CNOT6L: variants seen among roughly 807,000 people sequenced by gnomAD.
CNOT6L encodes CCR4-NOT transcription complex subunit 6 like, also known as CCR4-NOT transcription complex subunit 6-like.
A neutral mutation model predicts 64.0 loss-of-function variants in CNOT6L; 7 were observed. The ratio of observed to expected loss-of-function variants is 0.11; its 90% CI spans 0.06 to 0.21. The LOEUF (loss-of-function observed/expected upper bound fraction) is 0.21, where lower values mean the gene tolerates loss of function less well. Ranked by LOEUF, CNOT6L falls within the 10% of genes least tolerant of loss-of-function variation. The probability of loss-of-function intolerance (pLI) is 1.00; values close to 1 mark genes in which losing one functional copy is unlikely to be tolerated. For synonymous variants in CNOT6L, 193 were observed against 243.4 expected, an observed-to-expected ratio of 0.79 and a Z score of 1.93; for missense variants, 245 against 669.0, an observed-to-expected ratio of 0.37 and a Z score of 6.99.
chr4:77,776,359 A>T lies in CNOT6L; in HGVS notation c.39T>A (p.Pro13=). The T allele has an allele frequency of 6.2e-7, 1 of 1,608,850 alleles. No homozygotes were observed. Among genetic ancestry groups the T allele is most frequent in the Non-Finnish European group, 8.5e-7 (1 of 1,176,704 alleles). Residue 13 remains proline, a synonymous_variant, in exon 2 of 12, where the codon CCT becomes CCA. Coordinates refer to ENST00000504123, the MANE Select transcript of CNOT6L (RefSeq NM_144571.3). The part of the protein sequence containing the change: ...LIGMPKEKYD[P]PDPRRIYTIM... ...TGGTATAAATTCTGCGAGGATCTGG[A>T]GGATCATATTTTTCCTTTGGCATCC...
chr4:77,814,023 G>A (rs1453949185), intron 1 of CNOT6L, among the ~76,000 whole-genome samples: 1 of 152,072 alleles, frequency 6.6e-6, no homozygotes, highest in South Asian at 2.1e-4. Context: ...TAAATGTGGT[G>A]TATTCTTATG....
intron 1 of CNOT6L, among the ~76,000 whole-genome samples, chr4:77,778,472 C>A (rs1728402977): frequency 6.6e-6 from 1 of 151,676 alleles, no homozygotes; most frequent in South Asian, 2.1e-4. Flanking sequence ...ATCTCGAGAT[C>A]TCGACTCACT....
At chr4:77,804,738 G>A (rs1394283827) in intron 1 of CNOT6L, among the ~76,000 whole-genome samples, 2 of 151,750 alleles carry the variant, frequency 1.3e-5, no homozygotes, top group Non-Finnish European at 2.9e-5. Flanking sequence ...ACTTTAAAAT[G>A]GTGAATGTTT....
intron 8 of CNOT6L, among the ~76,000 whole-genome samples, chr4:77,738,805 T>C (rs1015629272): frequency 6.6e-6 from 1 of 151,812 alleles, no homozygotes; most frequent in African/African-American, 2.4e-5. Flanking sequence ...ATATACATTA[T>C]ATACATATAA....
chr4:77,768,473 AAATATATATATATATATATATATATAT>A (rs1560412322), intron 4 of CNOT6L, among the ~76,000 whole-genome samples: 20 of 4,210 alleles, frequency 4.8e-3, no homozygotes, highest in Admixed American at 0.014. Flanking sequence ...TAAAATAAAT[AAATATATATATATATATATATATATAT>A]ATATATATAT....
rs1724665396 is a variant in CNOT6L at position 77,749,935 on chromosome 4, T to C, written c.491-1551A>G. 3.3e-5 allele frequency among the ~76,000 whole-genome samples: 5 copies of C among 152,326 alleles called. No individual in the cohort carries two copies. In the South Asian group the frequency reaches 1.0e-3, roughly 32 times the overall value. On this transcript the variant is annotated intron_variant, in intron 5 of 11. Transcript: ENST00000504123. Reference sequence around the variant, plus strand: ...TCTTTAAGCAGGATTCAAAAAGATATCCATTACAGCATTGTTTATATTAAC... The same window carrying C: ...TCTTTAAGCAGGATTCAAAAAGATACCCATTACAGCATTGTTTATATTAAC...
intron 9 of CNOT6L, among the ~76,000 whole-genome samples, chr4:77,730,683 C>T (rs1490422202): frequency 6.6e-6 from 1 of 152,098 alleles, no homozygotes; most frequent in African/African-American, 2.4e-5. Flanking sequence ...AGGTTTGACA[C>T]ATATGCATGG....
chr4:77,784,755 A>G (rs2110090695), intron 1 of CNOT6L, among the ~76,000 whole-genome samples: 1 of 152,268 alleles, frequency 6.6e-6, no homozygotes, highest in Non-Finnish European at 1.5e-5. Context: ...AAGTGCTGGA[A>G]TTACAGGTAT....
rs1734021120 is a variant in CNOT6L, at chr4:77,819,287, G to A, written c.5+17C>T. Reference sequence around the variant, plus strand: ...CCAACACTCTCGGTCCTACTCGGAGGCAAAAGAACACTCTACCTCATTCTC... The same window carrying A: ...CCAACACTCTCGGTCCTACTCGGAGACAAAAGAACACTCTACCTCATTCTC... On this transcript the variant is annotated intron_variant, in intron 1 of 11. Transcript: ENST00000504123. 1.2e-6 allele frequency: 2 copies of A among 1,613,532 alleles called. No individual in the cohort carries two copies. Among genetic ancestry groups the A allele is most frequent in the Non-Finnish European group, 1.7e-6 (2 of 1,179,722 alleles).
At chr4:77,817,214 A>G (rs983025593) in intron 1 of CNOT6L, among the ~76,000 whole-genome samples, 3 of 151,960 alleles carry the variant, frequency 2.0e-5, no homozygotes, top group African/African-American at 7.3e-5. Flanking sequence ...GGTCTATTTG[A>G]AAATATGAAA....
intron 7 of CNOT6L, among the ~76,000 whole-genome samples, chr4:77,742,908 A>G (rs1197129008): frequency 6.6e-6 from 1 of 152,198 alleles, no homozygotes. Flanking sequence ...AAGATAATTT[A>G]TGTATGCAGA....
At chr4:77,739,675 AAT>A (rs1723363340) in intron 8 of CNOT6L, among the ~76,000 whole-genome samples, 1 of 152,234 alleles carries the variant, frequency 6.6e-6, no homozygotes, top group Non-Finnish European at 1.5e-5. Flanking sequence ...AAAGAGGTAC[AAT>A]ATACTGATGT....
Position 77,806,425 on chromosome 4 carries a change from C to CA in CNOT6L, c.5+12878dup, listed in dbSNP as rs561215577. ...AGGCAACAAGAGCAAAACTCTGTCT[C>CA]AAAAAAAAAAAAAGATTAATTTCAA... On this transcript the variant is annotated intron_variant, in intron 1 of 11. Transcript: ENST00000504123. Among the ~76,000 whole-genome samples, 548 of 135,792 alleles carry CA rather than the reference C, an allele frequency of 4.0e-3. 3 individuals are homozygous for CA. The highest frequency in any genetic ancestry group is 9.7e-3 in the East Asian group (46 of 4,746). The allele number at this position is 135,792 out of a possible 152,430, so 89.1% of individuals were successfully genotyped here. A position where few individuals can be genotyped will look rare whatever the true frequency, so the allele number is the denominator to read the frequency against.
At chr4:77,754,389 T>C (rs1266803816) in intron 5 of CNOT6L, among the ~76,000 whole-genome samples, 4 of 152,162 alleles carry the variant, frequency 2.6e-5, no homozygotes, top group Non-Finnish European at 5.9e-5. Flanking sequence ...GCAAGCCCAC[T>C]ACATAGAAAC....
At chr4:77,725,349 C>T (rs748146349) in intron 11 of CNOT6L, among the ~76,000 whole-genome samples, 1 of 152,210 alleles carries the variant, frequency 6.6e-6, no homozygotes, top group Non-Finnish European at 1.5e-5. Context: ...TACCAAACCA[C>T]TTTCTAACAC....
chr4:77,767,959 G>A (rs1410133347), intron 4 of CNOT6L, among the ~76,000 whole-genome samples: 8 of 131,352 alleles, frequency 6.1e-5, no homozygotes, highest in Non-Finnish European at 9.3e-5. Flanking sequence ...CAGCATGGGC[G>A]ACAGAGCGAG....
chr4:77,760,313 T>C (rs1310773877), intron 4 of CNOT6L, among the ~76,000 whole-genome samples: 1 of 152,066 alleles, frequency 6.6e-6, no homozygotes, highest in East Asian at 1.9e-4. Flanking sequence ...AGTTAGAGGC[T>C]ACAGTGAGCT....
chr4:77,774,402 A>T, intron 3 of CNOT6L, 128 bp downstream of exon 3: 1 of 721,490 alleles, frequency 1.4e-6, no homozygotes, highest in Non-Finnish European at 2.2e-6. Context: ...CTCAAGCACT[A>T]TGCTTAGACA....
intron 6 of CNOT6L, among the ~76,000 whole-genome samples, chr4:77,747,903 C>G (rs547594789): frequency 1.3e-4 from 20 of 152,282 alleles, no homozygotes; most frequent in Admixed American, 3.3e-4. Context: ...TCAAGTACTT[C>G]TCAGTAGTTT....
Sources: allele counts gnomAD v4.1 joint callset (sites outside exome capture counted in the v4.1 genomes callset), GRCh38; gene constraint gnomAD v4.1.1; transcripts MANE v1.5; gene names NCBI Gene and HGNC (gene_info 2026-07-23, HGNC 2026-07-21).